The following SLC12A7 variants were observed in gnomAD, a reference collection of about 807,000 sequenced individuals.
The protein encoded by SLC12A7 is solute carrier family 12 member 7, also known as K-Cl cotransporter 4.
Under a neutral mutation model 120.6 loss-of-function variants are expected in SLC12A7, and 100 were observed. The observed-to-expected ratio is 0.83, with a 90% confidence interval of 0.71 to 0.98. The LOEUF (loss-of-function observed/expected upper bound fraction) is 0.98. SLC12A7 is among the 50% of genes least tolerant of loss of function. The pLI is 0.00. For missense variants in SLC12A7, 1,373 were observed against 1,548.1 expected, an observed-to-expected ratio of 0.89 and a Z score of 1.90; for synonymous variants, 760 against 678.0, an observed-to-expected ratio of 1.12 and a Z score of -1.88.
At chr5:1,147,335 C>A in the SLC12A7 span, among the ~76,000 whole-genome samples, 5 of 146,522 alleles carry the variant, frequency 3.4e-5, no homozygotes, top group East Asian at 1.0e-3. Flanking sequence ...GCAGAACAGA[C>A]TCTGTGGCGG....
the SLC12A7 span, among the ~76,000 whole-genome samples, chr5:1,120,766 T>A: frequency 5.9e-5 from 9 of 152,248 alleles, no homozygotes; most frequent in South Asian, 4.1e-4. Context: ...GCACGTGGGC[T>A]GCAGGGCAGG....
the SLC12A7 span, among the ~76,000 whole-genome samples, chr5:1,152,495 G>A: frequency 1.3e-5 from 2 of 152,306 alleles, no homozygotes; most frequent in Middle Eastern, 3.4e-3. Flanking sequence ...GAGTCCCAAT[G>A]GCATGTTTAC....
chr5:1,141,746 C>A, the SLC12A7 span, among the ~76,000 whole-genome samples: 1 of 152,226 alleles, frequency 6.6e-6, no homozygotes, highest in African/African-American at 2.4e-5. Context: ...CTGCATAGGA[C>A]AGCGTGGACA....
At chr5:1,078,613 G>C (rs1738632760) in intron 11 of SLC12A7, 88 bp downstream of exon 11, 2 of 1,090,982 alleles carry the variant, frequency 1.8e-6, no homozygotes, top group Admixed American at 3.6e-5. Context: ...TGAAGTCCTA[G>C]GGCGATGTAA....
At chr5:1,089,282 G>A (rs950015029) in intron 3 of SLC12A7, among the ~76,000 whole-genome samples, 154 bp from the exon 4 acceptor site, 1 of 152,130 alleles carries the variant, frequency 6.6e-6, no homozygotes, top group Non-Finnish European at 1.5e-5. Context: ...TTCAGAGAGA[G>A]GCCCAGGACA....
chr5:1,153,963 G>A, the SLC12A7 span, among the ~76,000 whole-genome samples: 1 of 152,126 alleles, frequency 6.6e-6, no homozygotes, highest in South Asian at 2.1e-4. Context: ...AGGCTCAGGA[G>A]AAGGACAGGG....
the SLC12A7 span, among the ~76,000 whole-genome samples, chr5:1,148,619 G>A: frequency 6.6e-6 from 1 of 152,158 alleles, no homozygotes; most frequent in African/African-American, 2.4e-5. Context: ...CTCGATTCAC[G>A]AATGGGGCAG....
chr5:1,061,160 G>GCACCTGCCGCACCCGCCA, intron 20 of SLC12A7, among the ~76,000 whole-genome samples: 1 of 22,410 alleles, frequency 4.5e-5, no homozygotes, highest in African/African-American at 6.2e-5. Context: ...CGCACCCGCC[G>GCACCTGCCGCACCCGCCA]TGCGGGACCC....
upstream of SLC12A7, among the ~76,000 whole-genome samples, chr5:1,116,616 C>A (rs552605603): frequency 1.8e-4 from 27 of 152,320 alleles, no homozygotes; most frequent in African/African-American, 6.3e-4. Flanking sequence ...ATGAGTCCGA[C>A]ACACTCTTCC....
chr5:1,140,678 TC>T, the SLC12A7 span, among the ~76,000 whole-genome samples: 1 of 152,166 alleles, frequency 6.6e-6, no homozygotes, highest in Non-Finnish European at 1.5e-5. Context: ...ACAAGAAAGC[TC>T]TGCTCACCAG....
the SLC12A7 span, among the ~76,000 whole-genome samples, chr5:1,136,683 G>A: frequency 8.6e-5 from 9 of 104,778 alleles, no homozygotes; most frequent in East Asian, 7.6e-4. Context: ...GGACACGCAG[G>A]CACACACGTG....
chr5:1,127,097 C>T, the SLC12A7 span, among the ~76,000 whole-genome samples: 1 of 152,216 alleles, frequency 6.6e-6, no homozygotes, highest in Non-Finnish European at 1.5e-5. Flanking sequence ...TCACTGCAAC[C>T]TCCACCGCCC....
intron 21 of SLC12A7, among the ~76,000 whole-genome samples, chr5:1,058,419 G>A (rs1561030257): frequency 6.6e-6 from 1 of 152,238 alleles, no homozygotes; most frequent in African/African-American, 2.4e-5. Context: ...GTGCCACCTT[G>A]GAAGTGGTAT....
At chr5:1,097,081 C>T (rs1310517200) in intron 1 of SLC12A7, among the ~76,000 whole-genome samples, 1 of 152,204 alleles carries the variant, frequency 6.6e-6, no homozygotes, top group East Asian at 1.9e-4. Context: ...TGCCCTTCTC[C>T]ACCAGGAGTG....
At position 1,082,713 on chromosome 5, in the gene SLC12A7, T is replaced by G. The variant is rs186268153; in HGVS notation, c.1130-969A>C. 2.0e-5 allele frequency among the ~76,000 whole-genome samples: 3 copies of G among 150,246 alleles called. No individual in the cohort carries two copies. In the East Asian group the frequency reaches 6.0e-4, roughly 30 times the overall value. ...GAAAGTCCGGGCTTCCCATCTCGGG[T>G]TCTGGAAAGCCTGGGCTTCCCATCT... On this transcript the variant is annotated intron_variant, in intron 8 of 23. Transcript: ENST00000264930.
At chr5:1,103,880 C>T (rs984797091) in intron 1 of SLC12A7, among the ~76,000 whole-genome samples, 4 of 152,258 alleles carry the variant, frequency 2.6e-5, no homozygotes, top group East Asian at 1.9e-4. Flanking sequence ...GGTCCAGCCT[C>T]CTCCCTCAGC....
intron 1 of SLC12A7, among the ~76,000 whole-genome samples, chr5:1,103,915 G>A (rs1742255863): frequency 6.6e-6 from 1 of 152,242 alleles, no homozygotes. Context: ...CTGAGCCATG[G>A]AGGGGCCGTG....
the SLC12A7 span, among the ~76,000 whole-genome samples, chr5:1,122,277 C>G: frequency 1.2e-4 from 18 of 152,078 alleles, no homozygotes; most frequent in Admixed American, 6.5e-5. Flanking sequence ...CTGTGCGAGG[C>G]GGGGTGGGAT....
chr5:1,134,483 T>G, the SLC12A7 span, among the ~76,000 whole-genome samples: 1 of 151,644 alleles, frequency 6.6e-6, no homozygotes, highest in East Asian at 1.9e-4. Flanking sequence ...AAAAAAAAAT[T>G]TGAACACCCA....
Sources: allele counts gnomAD v4.1 joint callset (sites outside exome capture counted in the v4.1 genomes callset), GRCh38; gene constraint gnomAD v4.1.1; transcripts MANE v1.5; gene names NCBI Gene and HGNC (gene_info 2026-07-23, HGNC 2026-07-21).